Variants in CDH12 observed in about 807,000 individuals in gnomAD.
CDH12 encodes the protein cadherin 12.
In CDH12, 41 loss-of-function variants were observed where a neutral mutation model predicts 74.1. The observed-to-expected ratio is 0.55, with a 90% CI of 0.43 to 0.72. The LOEUF (loss-of-function observed/expected upper bound fraction) is 0.72, where lower values mean the gene tolerates loss of function less well. Among genes scored for constraint, CDH12 ranks in the 30% least tolerant of loss-of-function variants. The pLI is 0.00. For synonymous variants in CDH12, 399 were observed against 355.0 expected (o/e 1.12, Z -1.39); for missense variants, 945 against 977.2 (o/e 0.97, Z 0.44).
intron 6 of CDH12, among the ~76,000 whole-genome samples, chr5:21,879,096 A>G (rs1181095163): frequency 6.6e-6 from 1 of 152,214 alleles, no homozygotes; most frequent in African/African-American, 2.4e-5. Context: ...TTTTTACTTC[A>G]CATGGTTCTC....
intron 1 of CDH12, among the ~76,000 whole-genome samples, chr5:22,772,958 G>A (rs1746888870): frequency 6.6e-6 from 1 of 152,088 alleles, no homozygotes; most frequent in South Asian, 2.1e-4. Context: ...GGAGGTGAAA[G>A]ATCTCTACAA....
Position 21,802,047 on chromosome 5 carries a change from GCAT to G in CDH12, c.1256+117_1256+119del, listed in dbSNP as rs35954396. 2.5e-3 allele frequency: 2,028 copies of G among 820,302 alleles called. 19 individuals carry two copies. The highest frequency in any genetic ancestry group is 0.022 in the African/African-American group (1,251 of 57,828). 50.8% of individuals were successfully genotyped at this position (820,302 alleles called of 1,614,324 possible). A position where few individuals can be genotyped will look rare whatever the true frequency, so the allele number is the denominator to read the frequency against. ...TTATGTAAAGTCATTATGTTTTCAA[GCAT>G]CATATTCTATAATTAAATCATCATG... On this transcript the variant is annotated intron_variant, in intron 10 of 14. Transcript: ENST00000382254.
intron 1 of CDH12, among the ~76,000 whole-genome samples, chr5:22,707,394 C>T (rs1743069452): frequency 6.6e-6 from 1 of 151,958 alleles, no homozygotes. Flanking sequence ...ATGATTTCAC[C>T]CTTATTTTAA....
At chr5:22,705,492 C>G (rs1742955778) in intron 1 of CDH12, among the ~76,000 whole-genome samples, 1 of 114,154 alleles carries the variant, frequency 8.8e-6, no homozygotes, top group African/African-American at 3.8e-5. Context: ...AAGAAATCAA[C>G]ACACATGCAC....
chr5:21,971,851 A>G (rs1259810642), intron 6 of CDH12, among the ~76,000 whole-genome samples: 1 of 152,188 alleles, frequency 6.6e-6, no homozygotes, highest in Admixed American at 6.5e-5. Context: ...TTTTATCTCT[A>G]AATATTACTT....
chr5:22,575,802 C>A (rs558515801), intron 1 of CDH12, among the ~76,000 whole-genome samples: 13 of 151,966 alleles, frequency 8.6e-5, no homozygotes, highest in Non-Finnish European at 1.8e-4. Flanking sequence ...TGACCTCAAG[C>A]GATCCGCCTG....
chr5:22,829,319 C>T (rs894035875), intron 1 of CDH12, among the ~76,000 whole-genome samples: 1 of 152,172 alleles, frequency 6.6e-6, no homozygotes, highest in Non-Finnish European at 1.5e-5. Context: ...TCTATAAATG[C>T]TATCTCATAT....
intron 1 of CDH12, among the ~76,000 whole-genome samples, chr5:22,631,932 C>G (rs1405699121): frequency 2.0e-5 from 3 of 152,034 alleles, no homozygotes; most frequent in Non-Finnish European, 2.9e-5. Flanking sequence ...TGTAACCCCA[C>G]GATCCAATCA....
intron 2 of CDH12, among the ~76,000 whole-genome samples, chr5:22,496,518 C>A (rs1747109421): frequency 6.6e-6 from 1 of 152,146 alleles, no homozygotes; most frequent in South Asian, 2.1e-4. Context: ...TAAAATAGCA[C>A]AAAAATTCCA....
chr5:21,971,628 A>G (rs1332440905), intron 6 of CDH12, among the ~76,000 whole-genome samples: 2 of 152,184 alleles, frequency 1.3e-5, no homozygotes, highest in Non-Finnish European at 2.9e-5. Flanking sequence ...TAAACCTGTC[A>G]GCATTGTAGG....
intron 5 of CDH12, among the ~76,000 whole-genome samples, chr5:21,991,831 T>C (rs1422778296): frequency 6.6e-6 from 1 of 152,020 alleles, no homozygotes; most frequent in East Asian, 1.9e-4. Context: ...ACTTAGCTTG[T>C]TTTCTTTGCA....
chr5:21,796,015 T>C (rs1160762794), intron 10 of CDH12, among the ~76,000 whole-genome samples: 2 of 152,102 alleles, frequency 1.3e-5, no homozygotes, highest in African/African-American at 2.4e-5. Context: ...TAATTTAACA[T>C]TGTATTCTAC....
chr5:22,242,865 G>C (rs953035712), intron 3 of CDH12, among the ~76,000 whole-genome samples: 7 of 152,058 alleles, frequency 4.6e-5, no homozygotes, highest in Admixed American at 1.3e-4. Context: ...TGAGCTACTA[G>C]ATTTGATAAA....
chr5:21,850,793 A>T (rs577348504), intron 7 of CDH12, among the ~76,000 whole-genome samples: 1 of 151,488 alleles, frequency 6.6e-6, no homozygotes, highest in South Asian at 2.1e-4. Context: ...GAAATAAAAA[A>T]CTTTTAAAGT....
At chr5:21,894,781 C>T (rs1409423970) in intron 6 of CDH12, among the ~76,000 whole-genome samples, 1 of 151,904 alleles carries the variant, frequency 6.6e-6, no homozygotes, top group Non-Finnish European at 1.5e-5. Context: ...AAGGGGTAAC[C>T]CTTGGCAACA....
intron 3 of CDH12, among the ~76,000 whole-genome samples, chr5:22,394,537 C>T (rs1009224136): frequency 6.6e-6 from 1 of 151,748 alleles, no homozygotes; most frequent in Non-Finnish European, 1.5e-5. Context: ...GAATCTCATG[C>T]CCACAGGAGT....
intron 1 of CDH12, among the ~76,000 whole-genome samples, chr5:22,782,969 C>T (rs1747456076): frequency 6.6e-6 from 1 of 152,066 alleles, no homozygotes; most frequent in African/African-American, 2.4e-5. Flanking sequence ...AGTATTATAT[C>T]TGGATCTCCT....
At chr5:22,259,325 A>T (rs1753432969) in intron 3 of CDH12, among the ~76,000 whole-genome samples, 1 of 152,108 alleles carries the variant, frequency 6.6e-6, no homozygotes, top group South Asian at 2.1e-4. Flanking sequence ...ATCAGTAAAA[A>T]ATTGGGGATT....
intron 6 of CDH12, among the ~76,000 whole-genome samples, chr5:21,860,329 T>A (rs78378096): frequency 6.6e-6 from 1 of 152,022 alleles, no homozygotes; most frequent in East Asian, 1.9e-4. Context: ...TCGGGTTGTA[T>A]GAGGGATAAC....
Sources: allele counts gnomAD v4.1 joint callset (sites outside exome capture counted in the v4.1 genomes callset), GRCh38; gene constraint gnomAD v4.1.1; transcripts MANE v1.5; gene names NCBI Gene and HGNC (gene_info 2026-07-23, HGNC 2026-07-21).